Variants in ARHGAP1 observed in about 807,000 individuals in gnomAD.
ARHGAP1 encodes Rho GTPase activating protein 1, also known as rho GTPase-activating protein 1.
ARHGAP1 carries 23 observed loss-of-function variants against 52.2 expected under a neutral mutation model. That is an observed-to-expected ratio of 0.44 (90% confidence interval 0.32 to 0.62). The LOEUF (loss-of-function observed/expected upper bound fraction) is 0.62. ARHGAP1 is among the 20% of genes least tolerant of loss of function. The probability of loss-of-function intolerance (pLI) is 0.05; values close to 1 mark genes in which losing one functional copy is unlikely to be tolerated. For missense variants in ARHGAP1, 480 were observed against 560.9 expected (o/e 0.86, Z 1.46); for synonymous variants, 210 against 228.4 (o/e 0.92, Z 0.73).
At chr11:46,685,082 G>A (rs573419143) in intron 4 of ARHGAP1, among the ~76,000 whole-genome samples, 128 of 126,116 alleles carry the variant, frequency 1.0e-3, no homozygotes, top group Middle Eastern at 8.4e-3. Flanking sequence ...AGCGAGGCTC[G>A]GTCTCAAAAA....
At chr11:46,685,676 C>CTTT (rs34418008) in intron 4 of ARHGAP1, among the ~76,000 whole-genome samples, 13 of 112,198 alleles carry the variant, frequency 1.2e-4, no homozygotes, top group South Asian at 1.1e-3. Flanking sequence ...GCACAAGTCT[C>CTTT]TTTTTTTTTT....
chr11:46,689,604 A>G (rs2064596243), intron 3 of ARHGAP1, among the ~76,000 whole-genome samples: 3 of 152,084 alleles, frequency 2.0e-5, no homozygotes, highest in African/African-American at 7.2e-5. Flanking sequence ...GCAGTGGCAC[A>G]GTCTTGTCTC....
At chr11:46,692,411 C>T (rs1029588171) in intron 3 of ARHGAP1, among the ~76,000 whole-genome samples, 3 of 152,226 alleles carry the variant, frequency 2.0e-5, no homozygotes, top group Non-Finnish European at 2.9e-5. Context: ...TGAGTCCCCG[C>T]ACCTCACATC....
chr11:46,694,055 C>A (rs779521631), intron 3 of ARHGAP1, among the ~76,000 whole-genome samples: 2 of 152,160 alleles, frequency 1.3e-5, no homozygotes, highest in Non-Finnish European at 2.9e-5. Flanking sequence ...GACATCTCCA[C>A]GGTCTCACCA....
chr11:46,682,149 C>T lies in ARHGAP1; in HGVS notation c.351G>A (p.Glu117=), dbSNP rs755314344. 3 of 1,614,186 alleles carry T rather than the reference C, an allele frequency of 1.9e-6. No individual in the cohort carries two copies. The highest frequency in any genetic ancestry group is 2.2e-5 in the South Asian group (2 of 91,088). ...GCAGATACAGAAGTGTGTAGTCACT[C>T]TCCACGTACTGGTCCAGGGTGTGCT... ...YLKHTLDQYV[E]SDYTLLYLHH... Residue 117 remains glutamate (E), a synonymous_variant, in exon 5 of 13, where the codon GAG becomes GAA. Coordinates refer to ENST00000311956, the MANE Select transcript of ARHGAP1 (RefSeq NM_004308.5).
At position 46,688,371 on chromosome 11, in the gene ARHGAP1, C is replaced by T. The variant is rs2064587780; in HGVS notation, c.230-111G>A. On this transcript the variant is annotated intron_variant, in intron 3 of 12. Transcript: ENST00000311956. ...GATCTGAGCCAGTTACCACAGGGGC[C>T]AGAGTGCCCATGCAGACAGACCTCC... is the stretch of plus-strand genomic sequence containing the variant. 3 of 1,094,760 alleles carry T rather than the reference C, an allele frequency of 2.7e-6. No homozygotes were observed. In the African/African-American group the frequency reaches 4.7e-5, roughly 17 times the overall value. The allele number at this position is 1,094,760 out of a possible 1,614,324, so 67.8% of individuals were successfully genotyped here.
At chr11:46,683,114 C>T (rs547376357) in intron 4 of ARHGAP1, among the ~76,000 whole-genome samples, 2 of 145,016 alleles carry the variant, frequency 1.4e-5, no homozygotes, top group East Asian at 5.7e-4. Flanking sequence ...TCACAGCTCA[C>T]CGCAGCCTTG....
chr11:46,693,716 C>T (rs1225068878), intron 3 of ARHGAP1, among the ~76,000 whole-genome samples: 3 of 152,144 alleles, frequency 2.0e-5, no homozygotes, highest in South Asian at 4.1e-4. Flanking sequence ...CACAACCGGA[C>T]CAGCAGGCCT....
At chr11:46,698,316 C>T (rs760179262) in intron 1 of ARHGAP1, among the ~76,000 whole-genome samples, 34 of 152,194 alleles carry the variant, frequency 2.2e-4, no homozygotes, top group Middle Eastern at 3.4e-3. Context: ...GAAGGAGCAG[C>T]CGGGGCCGGG....
Position 46,680,407 on chromosome 11 carries a change from C to T in ARHGAP1, c.820+80G>A. ...ACGTTGAGGCTTGCAGGACCTCCCT[C>T]TGCCCTGCCCAGCAGCTTCCCCAGC... On this transcript the variant is annotated intron_variant, in intron 9 of 12. Coordinates refer to ENST00000311956, the MANE Select transcript of ARHGAP1 (RefSeq NM_004308.5). The surrounding 1 kb of genome is among the most constrained non-coding windows in gnomAD (Gnocchi z 5.9). 6 of 1,586,352 alleles carry T rather than the reference C, an allele frequency of 3.8e-6. No individual in the cohort carries two copies. The highest frequency in any genetic ancestry group is 5.2e-6 in the Non-Finnish European group (6 of 1,155,742).
chr11:46,692,690 T>A (rs563142397), intron 3 of ARHGAP1, among the ~76,000 whole-genome samples: 1 of 152,022 alleles, frequency 6.6e-6, no homozygotes, highest in Non-Finnish European at 1.5e-5. Flanking sequence ...ATTACAAGCA[T>A]GTGCACTTTT....
At chr11:46,693,019 A>AT (rs1565689545) in intron 3 of ARHGAP1, among the ~76,000 whole-genome samples, 2 of 151,874 alleles carry the variant, frequency 1.3e-5, no homozygotes, top group African/African-American at 2.4e-5. Context: ...CGCCCAGAAA[A>AT]TTTTTTGTAT....
chr11:46,695,604 G>T, intron 3 of ARHGAP1, 56 bp downstream of exon 3: 1 of 1,514,668 alleles, frequency 6.6e-7, no homozygotes, highest in South Asian at 1.2e-5. Flanking sequence ...GTGAAGGGCT[G>T]ACTTCCTGAG....
chr11:46,688,360 A>C, intron 3 of ARHGAP1, 100 bp from the exon 4 acceptor site: 1 of 1,209,710 alleles, frequency 8.3e-7, no homozygotes, highest in Non-Finnish European at 1.2e-6. Flanking sequence ...TGAGCCAGTT[A>C]CCACAGGGGC....
intron 3 of ARHGAP1, among the ~76,000 whole-genome samples, chr11:46,692,072 C>G (rs963986545): frequency 3.3e-5 from 5 of 152,202 alleles, no homozygotes; most frequent in African/African-American, 1.2e-4. Flanking sequence ...TACCTGCTCT[C>G]TTTCGTACCC....
At chr11:46,682,764 G>A (rs1436097165) in intron 4 of ARHGAP1, among the ~76,000 whole-genome samples, 1 of 152,216 alleles carries the variant, frequency 6.6e-6, no homozygotes, top group East Asian at 1.9e-4. Flanking sequence ...ACCCGGGCCT[G>A]CCTAGGCCTG....
intron 4 of ARHGAP1, 24 bp downstream of exon 4, chr11:46,688,149 A>G (rs1161634495): frequency 1.9e-6 from 3 of 1,606,892 alleles, no homozygotes; most frequent in Admixed American, 3.4e-5. Context: ...CAAAGCCCCA[A>G]CACACTTCCC....
At chr11:46,697,658 C>CAA (rs2064666224) in intron 1 of ARHGAP1, 1 of 152,306 alleles carries the variant, frequency 6.6e-6, no homozygotes, top group African/African-American at 2.4e-5. Context: ...TTCATGCTCC[C>CAA]AAGCCAAAGC....
At position 46,680,973 on chromosome 11, in the gene ARHGAP1, C is replaced by T; in HGVS notation, c.635+38G>A. On this transcript the variant is annotated intron_variant, in intron 7 of 12. Transcript: ENST00000311956. The surrounding 1 kb of genome is among the most constrained non-coding windows in gnomAD (Gnocchi z 5.9). Reference sequence around the variant, plus strand: ...AATCAGGACACACGTCCTCATTACCCTGGCTTCACGAGCCCCCAGCCGCCG... The same window carrying T: ...AATCAGGACACACGTCCTCATTACCTTGGCTTCACGAGCCCCCAGCCGCCG... 6.3e-7 allele frequency: 1 copy of T among 1,579,548 alleles called. No homozygotes were observed. Among genetic ancestry groups the T allele is most frequent in the African/African-American group, 1.3e-5 (1 of 74,272 alleles).
Sources: allele counts gnomAD v4.1 joint callset (sites outside exome capture counted in the v4.1 genomes callset), GRCh38; gene constraint gnomAD v4.1.1; non-coding constraint Gnocchi (gnomAD v3.1); transcripts MANE v1.5; gene names NCBI Gene and HGNC (gene_info 2026-07-23, HGNC 2026-07-21).